HPX: variants seen among roughly 807,000 people sequenced by gnomAD.
HPX encodes hemopexin.
Under a neutral mutation model 53.8 loss-of-function variants are expected in HPX, and 42 were observed. The observed-to-expected ratio is 0.78, with a 90% confidence interval of 0.61 to 1.01. The LOEUF (loss-of-function observed/expected upper bound fraction) is 1.01, where lower values mean the gene tolerates loss of function less well. Among genes scored for constraint, HPX ranks in the 50% least tolerant of loss-of-function variants. The pLI is 0.00. For missense variants in HPX, 547 were observed against 594.3 expected (o/e 0.92, Z 0.83); for synonymous variants, 229 against 221.1 (o/e 1.04, Z -0.32).
Position 6,440,537 on chromosome 11 carries a change from T to C in HPX, c.144A>G (p.Glu48=), listed in dbSNP as rs148259980. 6.5e-7 allele frequency: 1 copy of C among 1,542,490 alleles called. No homozygotes were observed. Among genetic ancestry groups the C allele is most frequent in the Non-Finnish European group, 8.8e-7 (1 of 1,139,846 alleles). The change falls in exon 3 of 10, where the codon GAA becomes GAG. Residue 48 remains glutamate, a splice_region_variant and synonymous_variant. Transcript: ENST00000265983. ...GETKPDPDVT[E]RCSDGWSFDA... The stretch of plus-strand genomic sequence containing the variant: ...CAAAGCTCCAGCCATCTGAGCAGCG[T>C]TCTGGGGTGGAGGTAGGGAGATGGC...
In HPX at chr11:6,431,698, CCAG is replaced by C. The variant is rs1228790988; in HGVS notation, c.1069_1071del (p.Leu357del). 1.2e-6 allele frequency: 2 copies of C among 1,614,190 alleles called. No homozygotes were observed. The highest frequency in any genetic ancestry group is 2.2e-5 in the South Asian group (2 of 91,088). Reference sequence around the variant, plus strand: ...CAGATAAAGGCCGCATCCACAGAGTCCAGGATAATCCCATGAGGGGTCCCGACT... The same window carrying C: ...CAGATAAAGGCCGCATCCACAGAGTCGATAATCCCATGAGGGGTCCCGACT... On this transcript the variant is annotated inframe_deletion, in exon 9 of 10. Transcript: ENST00000265983.
In HPX at chr11:6,431,260, G is replaced by A; in HGVS notation, c.1340C>T (p.Ala447Val). The A allele has an allele frequency of 6.2e-7, 1 of 1,614,254 alleles. No homozygotes were observed. The highest frequency in any genetic ancestry group is 1.1e-5 in the South Asian group (1 of 91,088). Residue 447 changes from alanine to valine, a missense_variant, in exon 10 of 10, where the codon GCC becomes GTC. Ala to Val is a moderately conservative substitution (Grantham distance 64, BLOSUM62 0). Transcript: ENST00000265983. ...SDVEKLNAAKALPQPQNVTSL... is the reference protein window; with the variant it reads ...SDVEKLNAAKVLPQPQNVTSL... ...GGTCACATTCTGGGGTTGCGGAAGGGCCTTGGCTGCATTCAGTTTCTCCAC... is the reference window on the plus strand; with the variant it reads ...GGTCACATTCTGGGGTTGCGGAAGGACCTTGGCTGCATTCAGTTTCTCCAC...
In HPX at chr11:6,431,674, A is replaced by G. The variant is rs1171378493; in HGVS notation, c.1096T>C (p.Cys366Arg). 1 of 1,614,138 alleles carries G rather than the reference A, an allele frequency of 6.2e-7. No individual in the cohort carries two copies. Among genetic ancestry groups the G allele is most frequent in the Admixed American group, 1.7e-5 (1 of 60,032 alleles). ...ILDSVDAAFI[C>R]PGSSRLHIMA... The stretch of plus-strand genomic sequence containing the variant: ...ATATGGAGCCGAGAAGACCCAGGGC[A>G]GATAAAGGCCGCATCCACAGAGTCC... Residue 366 changes from cysteine to arginine, a missense_variant, in exon 9 of 10, where the codon TGC (cysteine) becomes CGC (arginine). Physicochemically the swap from Cys to Arg is radical, Grantham distance 180. Coordinates refer to ENST00000265983, the MANE Select transcript of HPX (RefSeq NM_000613.3).
chr11:6,437,893 T>C (rs536944100), intron 5 of HPX: 50 of 580,274 alleles, frequency 8.6e-5, no homozygotes, highest in Non-Finnish European at 1.5e-4. Context: ...ATACTTAAAG[T>C]GAAATCTGAA....
At chr11:6,439,971 A>T in intron 4 of HPX, 194 bp downstream of exon 4, 1 of 670,930 alleles carries the variant, frequency 1.5e-6, no homozygotes, top group Non-Finnish European at 2.7e-6. Context: ...AAGAACAGCC[A>T]CTGGATGGTG....
In HPX at chr11:6,437,174, T is replaced by A; in HGVS notation, c.707A>T (p.His236Leu). 1 of 1,613,212 alleles carries A rather than the reference T, an allele frequency of 6.2e-7. No homozygotes were observed. ...DYFMPCPGRG[H>L]GHRNGTGHGN... ...ATGGCCAGTCCCATTCCTGTGTCCA[T>A]GGCCTGGAGAGAGAAATGGGTGAGG... Residue 236 changes from histidine (H) to leucine (L), a missense_variant, in exon 7 of 10, where the codon CAT becomes CTT. Coordinates refer to ENST00000265983, the MANE Select transcript of HPX (RefSeq NM_000613.3).
In HPX at chr11:6,437,652, C is replaced by T; in HGVS notation, c.491G>A (p.Gly164Asp). ...CQAEGVLFFQGDREWFWDLAT... is the reference protein window; with the variant it reads ...CQAEGVLFFQDDREWFWDLAT... ...CAAGTCCCAGAACCACTCGCGGTCACCTTTGTCCAATCAATCAACAGGCAT... is the reference window on the plus strand; with the variant it reads ...CAAGTCCCAGAACCACTCGCGGTCATCTTTGTCCAATCAATCAACAGGCAT... Residue 164 changes from glycine (G) to aspartate (D), a missense_variant and splice_region_variant, in exon 6 of 10, where the codon GGT becomes GAT. Coordinates refer to ENST00000265983, the MANE Select transcript of HPX (RefSeq NM_000613.3). The T allele has an allele frequency of 1.2e-6, 2 of 1,613,704 alleles. No individual in the cohort carries two copies. Among genetic ancestry groups the T allele is most frequent in the Non-Finnish European group, 1.7e-6 (2 of 1,179,732 alleles).
chr11:6,440,037 G>T, intron 4 of HPX, 128 bp downstream of exon 4: 1 of 1,215,334 alleles, frequency 8.2e-7, no homozygotes, highest in Non-Finnish European at 1.2e-6. Context: ...TTACAGGAAA[G>T]GAGGGCACAT....
Position 6,437,606 on chromosome 11 carries a change from C to T in HPX, c.537G>A (p.Glu179=), listed in dbSNP as rs1434534330. ...AGTTCCCAACAGCTGGCCAGGAACGCTCCTTCATGGTTCCCGTAGCCAAGT... is the reference window on the plus strand; with the variant it reads ...AGTTCCCAACAGCTGGCCAGGAACGTTCCTTCATGGTTCCCGTAGCCAAGT... ...FWDLATGTMK[E]RSWPAVGNCS... The change falls in exon 6 of 10, where the codon GAG becomes GAA. Residue 179 remains glutamate, a synonymous_variant. Transcript: ENST00000265983. 3 of 1,614,226 alleles carry T rather than the reference C, an allele frequency of 1.9e-6. No homozygotes were observed. The highest frequency in any genetic ancestry group is 2.5e-6 in the Non-Finnish European group (3 of 1,180,044).
At chr11:6,440,400 C>T in intron 3 of HPX, 67 bp downstream of exon 3, 4 of 1,589,454 alleles carry the variant, frequency 2.5e-6, no homozygotes, top group Non-Finnish European at 3.4e-6. Flanking sequence ...CTCCCACAGA[C>T]AGGGACACCC....
intron 5 of HPX, 64 bp from the exon 6 acceptor site, chr11:6,437,716 T>A: frequency 1.5e-6 from 2 of 1,348,074 alleles, no homozygotes; most frequent in South Asian, 1.2e-5. Context: ...GTGCTTTCTC[T>A]GGGTCCCAGG....
intron 4 of HPX, 124 bp from the exon 5 acceptor site, chr11:6,438,633 C>T (rs1396297579): frequency 1.2e-6 from 1 of 830,540 alleles, no homozygotes; most frequent in East Asian, 2.6e-5. Context: ...ATTCTCAGTC[C>T]ATCTGTGGAC....
At chr11:6,439,925 G>A (rs999388907) in intron 4 of HPX, 3 of 555,452 alleles carry the variant, frequency 5.4e-6, no homozygotes, top group African/African-American at 3.8e-5. Context: ...GCAGTGTGAG[G>A]TACAGCAGAG....
In HPX at chr11:6,431,720, C is replaced by T. The variant is rs772952792; in HGVS notation, c.1050G>A (p.Gly350=). 1.2e-6 allele frequency: 2 copies of T among 1,614,200 alleles called. No individual in the cohort carries two copies. The highest frequency in any genetic ancestry group is 1.7e-6 in the Non-Finnish European group (2 of 1,180,040). The part of the protein sequence containing the change: ...GYPKRLEKEV[G]TPHGIILDSV... ...AGTCCAGGATAATCCCATGAGGGGT[C>T]CCGACTTCCTTCTCCAGCCGCTTCG... is the stretch of plus-strand genomic sequence containing the variant. The change falls in exon 9 of 10, where the codon GGG becomes GGA. Residue 350 remains glycine, a synonymous_variant. Transcript: ENST00000265983.
In HPX at chr11:6,440,538, T is replaced by C; in HGVS notation, c.143A>G (p.Glu48Gly). Residue 48 changes from glutamate to glycine, a missense_variant and splice_region_variant, in exon 3 of 10, where the codon GAA (glutamate) becomes GGA (glycine). Coordinates refer to ENST00000265983, the MANE Select transcript of HPX (RefSeq NM_000613.3). Reference protein sequence around the residue: ...GETKPDPDVTERCSDGWSFDA... With the variant: ...GETKPDPDVTGRCSDGWSFDA... ...AAAGCTCCAGCCATCTGAGCAGCGTTCTGGGGTGGAGGTAGGGAGATGGCA... is the reference window on the plus strand; with the variant it reads ...AAAGCTCCAGCCATCTGAGCAGCGTCCTGGGGTGGAGGTAGGGAGATGGCA... 3.9e-6 allele frequency: 6 copies of C among 1,557,132 alleles called. No homozygotes were observed. The highest frequency in any genetic ancestry group is 5.2e-6 in the Non-Finnish European group (6 of 1,148,056).
chr11:6,440,676 C>G lies in HPX; in HGVS notation c.138G>C (p.Val46=). The change falls in exon 2 of 10, where the codon GTG becomes GTC. Residue 46 remains valine (V), a synonymous_variant. Coordinates refer to ENST00000265983, the MANE Select transcript of HPX (RefSeq NM_000613.3). ...CTTAGGGAGTCAGGGCCTCACCAGT[C>G]ACGTCTGGGTCTGGCTTGGTCTCGC... ...AEGETKPDPD[V]TERCSDGWSF... 1 of 1,612,644 alleles carries G rather than the reference C, an allele frequency of 6.2e-7. No homozygotes were observed. The highest frequency in any genetic ancestry group is 8.5e-7 in the Non-Finnish European group (1 of 1,179,666).
chr11:6,432,187 G>A (rs1849359724), intron 7 of HPX, 170 bp from the exon 8 acceptor site: 4 of 701,994 alleles, frequency 5.7e-6, no homozygotes, highest in South Asian at 3.7e-5. Context: ...CAGCAATGTT[G>A]GGCACTGTGC....
chr11:6,440,885 G>T lies in HPX; in HGVS notation c.79C>A (p.Pro27Thr), dbSNP rs779580631. The T allele has an allele frequency of 6.2e-7, 1 of 1,613,292 alleles. No homozygotes were observed. The highest frequency in any genetic ancestry group is 1.1e-5 in the South Asian group (1 of 90,954). The change falls in exon 1 of 10, where the codon CCT (proline) becomes ACT (threonine). Residue 27 changes from proline to threonine, a missense_variant. Physicochemically the swap from Pro to Thr is conservative, Grantham distance 38. Transcript: ENST00000265983. Reference protein sequence around the residue: ...CWSLAIATPLPPTSAHGNVAE... With the variant: ...CWSLAIATPLTPTSAHGNVAE... The stretch of plus-strand genomic sequence containing the variant: ...TCTAGTCCCAGCTTTACTCACGGAG[G>T]AAGAGGGGTGGCAATGGCCAGAGAC...
At chr11:6,435,795 GC>G (rs1214672394) in intron 7 of HPX, among the ~76,000 whole-genome samples, 1 of 152,138 alleles carries the variant, frequency 6.6e-6, no homozygotes, top group African/African-American at 2.4e-5. Context: ...CATGCTGTGG[GC>G]TCTCTCAACA....
Sources: allele counts gnomAD v4.1 joint callset (sites outside exome capture counted in the v4.1 genomes callset), GRCh38; gene constraint gnomAD v4.1.1; transcripts MANE v1.5; gene names NCBI Gene and HGNC (gene_info 2026-07-23, HGNC 2026-07-21).